Variants in PHKB observed in about 807,000 individuals in gnomAD.
PHKB encodes the protein phosphorylase b kinase regulatory subunit beta.
In PHKB, 122 loss-of-function variants were observed where a neutral mutation model predicts 152.1. That is an observed-to-expected ratio of 0.80 (90% CI 0.69 to 0.93). PHKB has a LOEUF of 0.93. Among genes scored for constraint, PHKB ranks in the 40% least tolerant of loss-of-function variants. PHKB has a pLI of 0.00. For missense variants in PHKB, 1,304 were observed against 1,328.4 expected (o/e 0.98, Z 0.29); for synonymous variants, 436 against 464.9 (o/e 0.94, Z 0.80).
rs1038834531 is a variant in PHKB, at chr16:47,605,581, C to T, written c.1364-5245C>T. On this transcript the variant is annotated intron_variant, in intron 13 of 30. Transcript: ENST00000323584. ...TCTCAGTGATCATACAATTGAGATA[C>T]GGAAATAATTTACTGCCTATCTAGA... Among the ~76,000 whole-genome samples the T allele has an allele frequency of 4.6e-5, 7 of 152,162 alleles. No individual in the cohort carries two copies. In the South Asian group the frequency reaches 1.0e-3, roughly 23 times the overall value.
chr16:47,669,507 G>T (rs1057045629), intron 26 of PHKB, 90 bp downstream of exon 26: 6 of 1,142,636 alleles, frequency 5.3e-6, no homozygotes, highest in Non-Finnish European at 6.6e-6. Context: ...AATGTTCCTG[G>T]TGTCTGGTGA....
chr16:47,645,483 T>A (rs1973099824), intron 16 of PHKB, among the ~76,000 whole-genome samples: 1 of 122,564 alleles, frequency 8.2e-6, no homozygotes, highest in African/African-American at 3.1e-5. Flanking sequence ...CCTTTCCCCA[T>A]TGCTTGTTTT....
At chr16:47,566,614 G>T in intron 7 of PHKB, 3 of 1,317,816 alleles carry the variant, frequency 2.3e-6, no homozygotes, top group Non-Finnish European at 3.3e-6. Flanking sequence ...GCAATGTAGG[G>T]TGACAATTTG....
At chr16:47,496,168 G>T (rs951464674) in intron 1 of PHKB, among the ~76,000 whole-genome samples, 4 of 151,846 alleles carry the variant, frequency 2.6e-5, no homozygotes, top group African/African-American at 9.7e-5. Flanking sequence ...TCATTTTTGT[G>T]CTATGTTCTT....
intron 1 of PHKB, among the ~76,000 whole-genome samples, chr16:47,474,270 TG>T (rs1969830662): frequency 6.6e-6 from 1 of 152,218 alleles, no homozygotes; most frequent in Non-Finnish European, 1.5e-5. Flanking sequence ...CCCTCCTTTT[TG>T]GCAATTTAAG....
chr16:47,595,224 TC>T (rs980054453), intron 12 of PHKB, among the ~76,000 whole-genome samples: 3 of 152,200 alleles, frequency 2.0e-5, no homozygotes, highest in Admixed American at 2.0e-4. Context: ...GTACCTCACT[TC>T]AGGCTTCATC....
chr16:47,520,738 T>C (rs1970671566), intron 6 of PHKB, among the ~76,000 whole-genome samples: 1 of 152,136 alleles, frequency 6.6e-6, no homozygotes, highest in Non-Finnish European at 1.5e-5. Flanking sequence ...AGTGAGAATA[T>C]AAAAATGAAA....
chr16:47,520,293 T>C (rs1178087366), intron 6 of PHKB, among the ~76,000 whole-genome samples: 1 of 152,244 alleles, frequency 6.6e-6, no homozygotes, highest in Non-Finnish European at 1.5e-5. Flanking sequence ...TAACATTATA[T>C]AGAACTTATG....
intron 6 of PHKB, among the ~76,000 whole-genome samples, chr16:47,519,161 A>G (rs1246200266): frequency 1.3e-5 from 2 of 152,302 alleles, no homozygotes; most frequent in Non-Finnish European, 2.9e-5. Context: ...AGTCCCCTTT[A>G]TGAACTCAAG....
Position 47,650,618 on chromosome 16 carries a change from C to T in PHKB, c.1872C>T (p.Asp624=). 6.2e-7 allele frequency: 1 copy of T among 1,600,958 alleles called. No homozygotes were observed. Among genetic ancestry groups the T allele is most frequent in the Non-Finnish European group, 8.6e-7 (1 of 1,168,200 alleles). Residue 624 remains aspartate, a synonymous_variant, in exon 19 of 31, where the codon GAC becomes GAT. Transcript: ENST00000323584. ...TTTTCCTTGTTCTCATCCGGGAAGA[C>T]AATATAAGGTAGGTTGATAAAAGAA... ...RPLFLVLIRE[D]NIRGSRFNPI...
intron 26 of PHKB, among the ~76,000 whole-genome samples, chr16:47,688,462 C>T (rs1047945984): frequency 6.6e-6 from 1 of 152,144 alleles, no homozygotes; most frequent in African/African-American, 2.4e-5. Flanking sequence ...GGTTAAAGTA[C>T]ATCTTTAATG....
chr16:47,677,530 C>T (rs1199103101), intron 26 of PHKB, among the ~76,000 whole-genome samples: 1 of 152,140 alleles, frequency 6.6e-6, no homozygotes, highest in African/African-American at 2.4e-5. Flanking sequence ...CAGATGGCTG[C>T]CTTCTGTGTC....
At chr16:47,569,450 T>A (rs897204728) in intron 7 of PHKB, among the ~76,000 whole-genome samples, 2 of 152,186 alleles carry the variant, frequency 1.3e-5, no homozygotes, top group Non-Finnish European at 2.9e-5. Flanking sequence ...CTGTGTTTTT[T>A]AAAATCCATT....
At position 47,593,579 on chromosome 16, in the gene PHKB, ATT is replaced by A. The variant is rs1455530474; in HGVS notation, c.1126+24_1126+25del. ...GATGGTAAGTAAGCTTTTTCCTGAA[ATT>A]TAAGCAAGCTTTTTCCTGAAATTTA... On this transcript the variant is annotated intron_variant, in intron 11 of 30. Coordinates refer to ENST00000323584, the MANE Select transcript of PHKB (RefSeq NM_000293.3). 2.2e-6 allele frequency: 3 copies of A among 1,343,462 alleles called. No homozygotes were observed. The African/African-American group carries it at 4.3e-5, about 19-fold the overall frequency. 83.2% of individuals were successfully genotyped at this position (1,343,462 alleles called of 1,614,324 possible). A position where few individuals can be genotyped will look rare whatever the true frequency, so the allele number is the denominator to read the frequency against.
chr16:47,682,524 C>T (rs555042255), intron 26 of PHKB, among the ~76,000 whole-genome samples: 167 of 152,324 alleles, frequency 1.1e-3, no homozygotes, highest in African/African-American at 4.0e-3. Flanking sequence ...CGTCTTCCAT[C>T]ACTGATACCC....
At chr16:47,633,486 T>C (rs1972863216) in intron 14 of PHKB, among the ~76,000 whole-genome samples, 1 of 152,120 alleles carries the variant, frequency 6.6e-6, no homozygotes, top group Admixed American at 6.5e-5. Context: ...AGGCATGGCA[T>C]GAGGTGATCC....
At chr16:47,502,208 A>G (rs568415717) in intron 3 of PHKB, among the ~76,000 whole-genome samples, 1 of 152,264 alleles carries the variant, frequency 6.6e-6, no homozygotes, top group East Asian at 1.9e-4. Context: ...TGAATAAATC[A>G]CTTTTATTTT....
At chr16:47,671,821 AT>A (rs1441978118) in intron 26 of PHKB, among the ~76,000 whole-genome samples, 1 of 152,190 alleles carries the variant, frequency 6.6e-6, no homozygotes, top group Non-Finnish European at 1.5e-5. Context: ...GTTTGAATAA[AT>A]TGGTTTTTAG....
At chr16:47,551,314 G>A (rs1454226954) in intron 7 of PHKB, among the ~76,000 whole-genome samples, 2 of 152,026 alleles carry the variant, frequency 1.3e-5, no homozygotes, top group Non-Finnish European at 2.9e-5. Context: ...TTAGGGCGTC[G>A]ATTTTAGATC....
Sources: gnomAD v4.1 joint callset for allele counts (sites outside exome capture counted in the v4.1 genomes callset) on GRCh38, gnomAD v4.1.1 for gene constraint, MANE v1.5 for transcripts, NCBI Gene and HGNC (gene_info 2026-07-23, HGNC 2026-07-21) for gene names.